CDKN2B-AS1: variants seen among roughly 807,000 people sequenced by gnomAD.
The protein encoded by CDKN2B-AS1 is CDKN2B and CDKN2A antisense cis and trans regulatory RNA 1, also known as CDKN2B antisense RNA 1 (non-protein coding).
intron 4 of CDKN2B-AS1, among the ~76,000 whole-genome samples, chr9:22,056,773 C>T (rs1010718546): frequency 6.6e-6 from 1 of 152,126 alleles, no homozygotes; most frequent in Non-Finnish European, 1.5e-5. Context: ...ACCTCTAAAC[C>T]AGTAATTTTA....
upstream of CDKN2B-AS1, chr9:21,995,081 T>C (rs576847829): frequency 3.9e-5 from 6 of 152,308 alleles, no homozygotes. This position sits in a 1 kb window ranked among gnomAD's most constrained non-coding sequence, Gnocchi z 5.7. Context: ...ACTAAACCGC[T>C]GCACGCCTCT....
chr9:22,122,280 A>C (rs1261540530), intron 4 of CDKN2B-AS1, among the ~76,000 whole-genome samples: 2 of 151,886 alleles, frequency 1.3e-5, no homozygotes, highest in Non-Finnish European at 2.9e-5. Context: ...TGAGTCCCTT[A>C]TATATTCTAG....
intron 4 of CDKN2B-AS1, among the ~76,000 whole-genome samples, chr9:22,060,598 A>G (rs919340916): frequency 2.0e-5 from 3 of 152,202 alleles, no homozygotes; most frequent in African/African-American, 7.2e-5. Flanking sequence ...TTCCAAAGTC[A>G]CTTCCACATT....
At chr9:22,028,410 G>A (rs1822328221) in intron 1 of CDKN2B-AS1, among the ~76,000 whole-genome samples, 5 of 152,014 alleles carry the variant, frequency 3.3e-5, no homozygotes. Flanking sequence ...CTATTCACAT[G>A]TTAAATGAAT....
At chr9:22,008,281 T>G (rs996105062) in intron 1 of CDKN2B-AS1, among the ~76,000 whole-genome samples, 1 of 152,194 alleles carries the variant, frequency 6.6e-6, no homozygotes, top group Admixed American at 6.5e-5. Context: ...ACTGCTAACA[T>G]AAAAGGAACT....
At position 22,006,280 on chromosome 9, in the gene CDKN2B-AS1, G is replaced by T; in HGVS notation, n.29+11119G>T. The T allele has an allele frequency of 6.2e-7, 1 of 1,600,022 alleles. No individual in the cohort carries two copies. Among genetic ancestry groups the T allele is most frequent in the Non-Finnish European group, 8.5e-7 (1 of 1,179,772 alleles). On this transcript the variant is annotated intron_variant and non_coding_transcript_variant, in intron 1 of 4. Coordinates refer to ENST00000650946, the Ensembl canonical transcript of CDKN2B-AS1. This position sits in a 1 kb window ranked among gnomAD's most constrained non-coding sequence, Gnocchi z 6.4. Reference sequence around the variant, plus strand: ...AGAGAGCAGAGTGGTCAGAGCCAGGGTGGGGGCAGGTATGGGAGATGCCGG... The same window carrying T: ...AGAGAGCAGAGTGGTCAGAGCCAGGTTGGGGGCAGGTATGGGAGATGCCGG...
At chr9:22,021,998 A>G (rs960052002) in intron 1 of CDKN2B-AS1, among the ~76,000 whole-genome samples, 1 of 152,080 alleles carries the variant, frequency 6.6e-6, no homozygotes, top group Non-Finnish European at 1.5e-5. Context: ...TCTCTAATTT[A>G]ATTGTGCTGT....
At chr9:22,054,637 C>T (rs1266548556) in intron 3 of CDKN2B-AS1, among the ~76,000 whole-genome samples, 5 of 150,678 alleles carry the variant, frequency 3.3e-5, no homozygotes, top group Non-Finnish European at 1.5e-5. Context: ...AAATCCATAT[C>T]CTTTCTATGT....
chr9:22,013,635 A>G (rs1234084021), intron 1 of CDKN2B-AS1, among the ~76,000 whole-genome samples: 1 of 152,026 alleles, frequency 6.6e-6, no homozygotes, highest in African/African-American at 2.4e-5. Flanking sequence ...TACTTTTTTG[A>G]AGAGATGAAG....
intron 1 of CDKN2B-AS1, chr9:22,046,575 T>C (rs545824080): frequency 6.6e-6 from 1 of 152,286 alleles, no homozygotes; most frequent in East Asian, 1.9e-4. Flanking sequence ...GGAACTATTA[T>C]TGTGTTCTAT....
intron 1 of CDKN2B-AS1, among the ~76,000 whole-genome samples, chr9:22,022,580 T>C (rs1587415073): frequency 1.3e-5 from 2 of 152,284 alleles, no homozygotes; most frequent in Admixed American, 6.5e-5. Context: ...AGCATACCGA[T>C]GGGTCTTGGC....
Position 22,039,546 on chromosome 9 carries a change from C to A in CDKN2B-AS1, n.30-7205C>A, listed in dbSNP as rs1057246608. On this transcript the variant is annotated intron_variant and non_coding_transcript_variant, in intron 1 of 4. Coordinates refer to ENST00000650946, the Ensembl canonical transcript of CDKN2B-AS1. The surrounding 1 kb of genome is among the most constrained non-coding windows in gnomAD (Gnocchi z 4.4). ...TAAGCTTCTAGGAGGTAGAGGCCAG[C>A]ATTATTTTCTCCATTTTTGGAATGA... 4.6e-5 allele frequency among the ~76,000 whole-genome samples: 7 copies of A among 151,974 alleles called. No individual in the cohort carries two copies. The highest frequency in any genetic ancestry group is 1.3e-4 in the Admixed American group (2 of 15,226).
intron 1 of CDKN2B-AS1, among the ~76,000 whole-genome samples, chr9:22,015,711 A>G (rs1821721461): frequency 6.6e-6 from 1 of 152,172 alleles, no homozygotes; most frequent in African/African-American, 2.4e-5. Context: ...ATATGTATTC[A>G]TGTGCCATGC....
intron 4 of CDKN2B-AS1, among the ~76,000 whole-genome samples, chr9:22,071,998 T>C (rs1824313489): frequency 6.6e-6 from 1 of 152,190 alleles, no homozygotes; most frequent in Admixed American, 6.5e-5. Flanking sequence ...TGAGAGGCAA[T>C]ACCATAAGTG....
rs1825240526 is a variant in CDKN2B-AS1 at position 22,095,426 on chromosome 9, T to C, written n.439-31677T>C. On this transcript the variant is annotated intron_variant and non_coding_transcript_variant, in intron 4 of 4. Coordinates refer to ENST00000650946, the Ensembl canonical transcript of CDKN2B-AS1. ...TTTGAGTGAGTTTCTTAATCTTGAGTTCTAGTTTGCACTGTGGTCTGAGAG... is the reference window on the plus strand; with the variant it reads ...TTTGAGTGAGTTTCTTAATCTTGAGCTCTAGTTTGCACTGTGGTCTGAGAG... 3.4e-5 allele frequency among the ~76,000 whole-genome samples: 5 copies of C among 145,194 alleles called. No individual in the cohort carries two copies. The South Asian group carries it at 8.4e-4, about 24-fold the overall frequency.
chr9:22,050,253 T>C (rs1259380208), intron 3 of CDKN2B-AS1, among the ~76,000 whole-genome samples: 1 of 152,242 alleles, frequency 6.6e-6, no homozygotes, highest in East Asian at 1.9e-4. Flanking sequence ...GGTTTTATAT[T>C]ATCCTATTTT....
rs115926478 is a variant in CDKN2B-AS1 at position 22,064,325 on chromosome 9, A to G, written n.438+7938A>G. Among the ~76,000 whole-genome samples the G allele has an allele frequency of 2.8e-3, 430 of 152,244 alleles. 4 individuals carry two copies. Among genetic ancestry groups the G allele is most frequent in the African/African-American group, 9.9e-3 (411 of 41,530 alleles). On this transcript the variant is annotated intron_variant and non_coding_transcript_variant, in intron 4 of 4. Transcript: ENST00000650946. ...CTAAAGTGGCATTAAGGAGCCAATA[A>G]ATTGTCATTCCTACCTTAGCTCTGT... is the stretch of plus-strand genomic sequence containing the variant.
intron 4 of CDKN2B-AS1, among the ~76,000 whole-genome samples, chr9:22,099,517 A>G (rs1825407523): frequency 6.6e-6 from 1 of 152,116 alleles, no homozygotes; most frequent in African/African-American, 2.4e-5. Flanking sequence ...TTAGCTGGTC[A>G]TTTCTTTCTG....
At chr9:22,099,040 A>G (rs1587530748) in intron 4 of CDKN2B-AS1, among the ~76,000 whole-genome samples, 1 of 152,250 alleles carries the variant, frequency 6.6e-6, no homozygotes, top group East Asian at 1.9e-4. Context: ...TGAGGGTGTT[A>G]GTACAGAAAG....
Sources: gnomAD v4.1 joint callset for allele counts (sites outside exome capture counted in the v4.1 genomes callset) on GRCh38, gnomAD v4.1.1 for gene constraint, Gnocchi (gnomAD v3.1) non-coding constraint, MANE v1.5 for transcripts, NCBI Gene and HGNC (gene_info 2026-07-23, HGNC 2026-07-21) for gene names.